Variants in IPO11 observed in about 807,000 individuals in gnomAD.
The protein encoded by IPO11 is importin-11.
A neutral mutation model predicts 143.2 loss-of-function variants in IPO11; 66 were observed. That is an observed-to-expected ratio of 0.46 (90% confidence interval 0.38 to 0.57). The LOEUF is 0.57. Among genes scored for constraint, IPO11 ranks in the 20% least tolerant of loss-of-function variants. The pLI is 0.00. For missense variants in IPO11, 1,026 were observed against 1,141.0 expected, an observed-to-expected ratio of 0.90 and a Z score of 1.45; for synonymous variants, 385 against 377.8, an observed-to-expected ratio of 1.02 and a Z score of -0.22.
In IPO11 at chr5:62,489,367, G is replaced by T; in HGVS notation, c.1357+18G>T. ...AGATGCTGGTATGTTAAACTTAAGT[G>T]ATTTAGAAGCATTTATTTATTCAGT... is the stretch of plus-strand genomic sequence containing the variant. On this transcript the variant is annotated intron_variant, in intron 14 of 29. Coordinates refer to ENST00000325324, the MANE Select transcript of IPO11 (RefSeq NM_016338.5). 6.5e-7 allele frequency: 1 copy of T among 1,527,350 alleles called. No individual in the cohort carries two copies. The highest frequency in any genetic ancestry group is 1.2e-5 in the South Asian group (1 of 80,978). 94.6% of individuals were successfully genotyped at this position (1,527,350 alleles called of 1,614,324 possible).
intron 5 of IPO11, among the ~76,000 whole-genome samples, chr5:62,466,507 A>G (rs1745581459): frequency 6.6e-6 from 1 of 152,186 alleles, no homozygotes; most frequent in Admixed American, 6.6e-5. Context: ...ACTCAGCTGG[A>G]TTGCTCCGAG....
intron 28 of IPO11, among the ~76,000 whole-genome samples, chr5:62,599,074 G>C (rs938140057): frequency 2.6e-5 from 4 of 152,102 alleles, no homozygotes. Flanking sequence ...CATCACAGAG[G>C]AACTTGTGAG....
At position 62,627,305 on chromosome 5, in the gene IPO11, T is replaced by G. The variant is rs941905075; in HGVS notation, c.2915T>G (p.Leu972Trp). 2.5e-6 allele frequency: 4 copies of G among 1,613,502 alleles called. No homozygotes were observed. Among genetic ancestry groups the G allele is most frequent in the East Asian group, 2.2e-5 (1 of 44,874 alleles). Residue 972 changes from leucine (L) to tryptophan (W), a missense_variant, in exon 30 of 30, where the codon TTG (leucine) becomes TGG (tryptophan). This residue lies in a region of IPO11 where 351 missense variants were observed against 358.9 expected (regional missense o/e 0.98). Coordinates refer to ENST00000325324, the MANE Select transcript of IPO11 (RefSeq NM_016338.5). ...TEIVTQLQEFLQGF is the reference protein window; with the variant it reads ...TEIVTQLQEFWQGF The stretch of plus-strand genomic sequence containing the variant: ...ATTGTCACCCAGCTACAGGAGTTTT[T>G]GCAAGGATTCTAAGAGCACATGACA...
chr5:62,431,865 CA>C (rs1349113274), intron 1 of IPO11, among the ~76,000 whole-genome samples: 1 of 151,958 alleles, frequency 6.6e-6, no homozygotes, highest in Non-Finnish European at 1.5e-5. Flanking sequence ...CGCTTGAGCC[CA>C]GGAGGCAGAA....
At chr5:62,459,628 G>A (rs936781377) in intron 5 of IPO11, among the ~76,000 whole-genome samples, 3 of 151,716 alleles carry the variant, frequency 2.0e-5, no homozygotes, top group South Asian at 2.1e-4. Flanking sequence ...TTGGTTCACT[G>A]CAATCTCTGC....
chr5:62,618,210 T>C (rs917202504), intron 29 of IPO11, among the ~76,000 whole-genome samples: 1 of 152,098 alleles, frequency 6.6e-6, no homozygotes, highest in Non-Finnish European at 1.5e-5. Flanking sequence ...GAAATATTGG[T>C]TTCATAAAGT....
At chr5:62,447,912 G>A (rs1744776780) in intron 3 of IPO11, among the ~76,000 whole-genome samples, 1 of 151,978 alleles carries the variant, frequency 6.6e-6, no homozygotes, top group Non-Finnish European at 1.5e-5. Context: ...ACAGGGTTTT[G>A]CCATGTTGTC....
In IPO11 at chr5:62,483,188, G is replaced by T. The variant is rs1277954429; in HGVS notation, c.916G>T (p.Glu306Ter). ...LEFSVSYVFT[E>*]VGEGVTFERF... ...ATTTTCTGTAAGCTATGTTTTTACA[G>T]AAGTTGGTGAAGGCGTTACATTTGA... The change falls in exon 10 of 30, where the codon GAA (glutamate) becomes TAA (stop). Residue 306 changes from glutamate to a stop codon, truncating the protein, a stop_gained. Transcript: ENST00000325324. LOFTEE classifies it high-confidence loss of function. 2.5e-6 allele frequency: 4 copies of T among 1,608,252 alleles called. No individual in the cohort carries two copies. Among genetic ancestry groups the T allele is most frequent in the African/African-American group, 1.3e-5 (1 of 74,796 alleles).
At chr5:62,527,078 G>A (rs190961949) in intron 21 of IPO11, among the ~76,000 whole-genome samples, 1 of 151,982 alleles carries the variant, frequency 6.6e-6, no homozygotes, top group Non-Finnish European at 1.5e-5. Context: ...ATCTTTATCA[G>A]AATATGAGAT....
chr5:62,476,044 C>T (rs1277895646), intron 8 of IPO11, among the ~76,000 whole-genome samples: 1 of 152,216 alleles, frequency 6.6e-6, no homozygotes, highest in Non-Finnish European at 1.5e-5. Context: ...TGGGCAGACA[C>T]TGTCCTGGGT....
chr5:62,450,653 C>T (rs1252718979), intron 4 of IPO11, among the ~76,000 whole-genome samples: 1 of 117,200 alleles, frequency 8.5e-6, no homozygotes, highest in Non-Finnish European at 1.8e-5. Context: ...AGATTAACTT[C>T]CCCACCATTT....
In IPO11 at chr5:62,504,842, C is replaced by T; in HGVS notation, c.1625-16C>T. The stretch of plus-strand genomic sequence containing the variant: ...TAAAACTTATATATTCTCAGTATTC[C>T]TTAACTGTTCTTCACCTGTTGATGA... On this transcript the variant is annotated splice_polypyrimidine_tract_variant and intron_variant, in intron 17 of 29. Coordinates refer to ENST00000325324, the MANE Select transcript of IPO11 (RefSeq NM_016338.5). 1 of 1,527,582 alleles carries T rather than the reference C, an allele frequency of 6.5e-7. No homozygotes were observed. Among genetic ancestry groups the T allele is most frequent in the East Asian group, 2.3e-5 (1 of 43,614 alleles). The allele number at this position is 1,527,582 out of a possible 1,614,324, so 94.6% of individuals were successfully genotyped here. A position where few individuals can be genotyped will look rare whatever the true frequency, so the allele number is the denominator to read the frequency against.
chr5:62,437,264 T>C lies in IPO11; in HGVS notation c.-6-10T>C, dbSNP rs770838910. The stretch of plus-strand genomic sequence containing the variant: ...ATACATATTCAAGTATGTTAACTTA[T>C]CATTGCCAGGTTTCCATGGATCTCA... On this transcript the variant is annotated splice_polypyrimidine_tract_variant and intron_variant, in intron 1 of 29. Transcript: ENST00000325324. 4.1e-5 allele frequency: 65 copies of C among 1,581,226 alleles called. No individual in the cohort carries two copies. Among genetic ancestry groups the C allele is most frequent in the Non-Finnish European group, 5.1e-5 (59 of 1,166,122 alleles).
chr5:62,493,719 C>A (rs1741026867), intron 15 of IPO11, among the ~76,000 whole-genome samples: 1 of 152,014 alleles, frequency 6.6e-6, no homozygotes, highest in African/African-American at 2.4e-5. Flanking sequence ...CAGGTGCATG[C>A]CACCACGCCC....
chr5:62,607,455 G>C lies in IPO11; in HGVS notation c.2763+5607G>C, dbSNP rs576974055. 2.0e-5 allele frequency among the ~76,000 whole-genome samples: 3 copies of C among 151,760 alleles called. No homozygotes were observed. In the South Asian group the frequency reaches 6.3e-4, roughly 32 times the overall value. ...TTTTGCCTGCTCCCATTTGCTTCTA[G>C]AAAACCTCAGCAGAACTACTATAAA... On this transcript the variant is annotated intron_variant, in intron 29 of 29. Transcript: ENST00000325324.
intron 20 of IPO11, among the ~76,000 whole-genome samples, chr5:62,520,069 A>G (rs1742154167): frequency 6.6e-6 from 1 of 152,008 alleles, no homozygotes; most frequent in South Asian, 2.1e-4. Context: ...GCTAGAAAAT[A>G]CTCTCTTTTA....
chr5:62,513,845 G>A (rs1318345017), intron 19 of IPO11, among the ~76,000 whole-genome samples: 2 of 149,088 alleles, frequency 1.3e-5, no homozygotes. Flanking sequence ...CGGGGCGGTT[G>A]CCAGGAGGAG....
chr5:62,604,953 G>A (rs192465805), intron 29 of IPO11, among the ~76,000 whole-genome samples: 134 of 152,194 alleles, frequency 8.8e-4, no homozygotes, highest in African/African-American at 3.0e-3. Context: ...CAGTAATTAC[G>A]TCAATCTTGA....
chr5:62,491,238 A>G (rs934224952), intron 15 of IPO11, among the ~76,000 whole-genome samples: 1 of 152,222 alleles, frequency 6.6e-6, no homozygotes, highest in African/African-American at 2.4e-5. Context: ...GAGATACTCT[A>G]AAAGTAATTC....
Sources: allele counts gnomAD v4.1 joint callset (sites outside exome capture counted in the v4.1 genomes callset), GRCh38; gene constraint gnomAD v4.1.1; regional missense constraint gnomAD v4.1.1; transcripts MANE v1.5; gene names NCBI Gene and HGNC (gene_info 2026-07-23, HGNC 2026-07-21).